The following PCDHGA1 variants were observed in gnomAD, a reference collection of about 807,000 sequenced individuals.
PCDHGA1 encodes the protein protocadherin gamma subfamily A, 1.
Under a neutral mutation model 58.0 loss-of-function variants are expected in PCDHGA1, and 32 were observed. The observed-to-expected ratio is 0.55, with a 90% CI of 0.42 to 0.74. The LOEUF is 0.74. PCDHGA1 is among the 30% of genes least tolerant of loss of function. The pLI, the probability that PCDHGA1 is intolerant of heterozygous loss-of-function variation, is 0.00. For synonymous variants in PCDHGA1, 498 were observed against 501.1 expected, an observed-to-expected ratio of 0.99 and a Z score of 0.08; for missense variants, 1,205 against 1,182.3, an observed-to-expected ratio of 1.02 and a Z score of -0.28.
chr5:141,503,075 G>A (rs1373753092), intron 2 of PCDHGA1, among the ~76,000 whole-genome samples: 1 of 151,438 alleles, frequency 6.6e-6, no homozygotes, highest in African/African-American at 2.4e-5. Context: ...GAATGGTCTC[G>A]ATCTCCTGAC....
intron 1 of PCDHGA1, chr5:141,429,222 T>C (rs897099159): frequency 6.6e-6 from 1 of 151,494 alleles, no homozygotes; most frequent in Non-Finnish European, 1.5e-5. Context: ...AAAGTGGGTA[T>C]TATGATACTG....
chr5:141,422,494 T>G lies in PCDHGA1; in HGVS notation c.2422-72313T>G, dbSNP rs772798862. On this transcript the variant is annotated intron_variant, in intron 1 of 3. Transcript: ENST00000517417. ...GTTGGTCCAGAGCTACAATATAACG[T>G]TGACAGCCACAGACCAGGGAAGCCC... The G allele has an allele frequency of 3.5e-5, 56 of 1,613,848 alleles. No homozygotes were observed. Among genetic ancestry groups the G allele is most frequent in the Non-Finnish European group, 1.0e-5 (12 of 1,179,896 alleles).
At chr5:141,449,000 T>G (rs1424736421) in intron 1 of PCDHGA1, among the ~76,000 whole-genome samples, 1 of 151,774 alleles carries the variant, frequency 6.6e-6, no homozygotes, top group African/African-American at 2.4e-5. Context: ...TAGAAAGCTG[T>G]TTTTTTTAAC....
intron 1 of PCDHGA1, among the ~76,000 whole-genome samples, chr5:141,433,837 CAA>C (rs56191208): frequency 1.4e-4 from 16 of 111,664 alleles, no homozygotes; most frequent in Non-Finnish European, 1.2e-4. Context: ...AACTCTATCT[CAA>C]AAAAAAAAAA....
chr5:141,432,528 A>T lies in PCDHGA1; in HGVS notation c.2422-62279A>T. The T allele has an allele frequency of 1.2e-6, 2 of 1,613,804 alleles. No homozygotes were observed. The highest frequency in any genetic ancestry group is 1.7e-6 in the Non-Finnish European group (2 of 1,180,000). ...GCAGAGCCCGGCTACCTGGTGACCA[A>T]GGTGGTGGCGGTGGACAGAGACTCC... is the stretch of plus-strand genomic sequence containing the variant. On this transcript the variant is annotated intron_variant, in intron 1 of 3. Transcript: ENST00000517417. This position sits in a 1 kb window ranked among gnomAD's most constrained non-coding sequence, Gnocchi z 6.0.
At chr5:141,345,421 A>G (rs1264882424) in intron 1 of PCDHGA1, 2 of 1,614,044 alleles carry the variant, frequency 1.2e-6, no homozygotes, top group African/African-American at 2.7e-5. Flanking sequence ...TACATTCCAG[A>G]AAACAACCCC....
chr5:141,407,651 G>A (rs1005294855), intron 1 of PCDHGA1, among the ~76,000 whole-genome samples: 1 of 151,926 alleles, frequency 6.6e-6, no homozygotes, highest in African/African-American at 2.4e-5. Flanking sequence ...AATAATGGGG[G>A]AGCGCAGTAT....
chr5:141,423,494 A>C lies in PCDHGA1; in HGVS notation c.2422-71313A>C, dbSNP rs753859784. ...CAGGCTTTCCTGCAAACCTATTCCCACGAGGTCTCTCTCATTGCGGACTCG... is the reference window on the plus strand; with the variant it reads ...CAGGCTTTCCTGCAAACCTATTCCCCCGAGGTCTCTCTCATTGCGGACTCG... On this transcript the variant is annotated intron_variant, in intron 1 of 3. Transcript: ENST00000517417. The C allele has an allele frequency of 3.8e-5, 61 of 1,613,842 alleles. No individual in the cohort carries two copies. The highest frequency in any genetic ancestry group is 5.9e-6 in the Non-Finnish European group (7 of 1,179,940).
At chr5:141,462,540 T>G (rs2099042148) in intron 1 of PCDHGA1, among the ~76,000 whole-genome samples, 2 of 152,204 alleles carry the variant, frequency 1.3e-5, no homozygotes, top group Non-Finnish European at 2.9e-5. Flanking sequence ...TCAGTGATCT[T>G]TTCTTCTTCA....
intron 1 of PCDHGA1, chr5:141,426,796 T>C (rs1053668481): frequency 8.8e-6 from 4 of 456,720 alleles, no homozygotes. Context: ...AGTTACCAGC[T>C]CAGTTCTAAT....
In PCDHGA1 at chr5:141,485,031, C is replaced by A; in HGVS notation, c.2422-9776C>A. On this transcript the variant is annotated intron_variant, in intron 1 of 3. Coordinates refer to ENST00000517417, the MANE Select transcript of PCDHGA1 (RefSeq NM_018912.3). The surrounding 1 kb of genome is among the most constrained non-coding windows in gnomAD (Gnocchi z 5.7). Reference sequence around the variant, plus strand: ...TACCCCGCCACCAGCAAAAACGGCGCGTAACCCTTGCGGCGCCGGCCGAAC... The same window carrying A: ...TACCCCGCCACCAGCAAAAACGGCGAGTAACCCTTGCGGCGCCGGCCGAAC... The A allele has an allele frequency of 1.5e-6, 1 of 680,514 alleles. No homozygotes were observed. Among genetic ancestry groups the A allele is most frequent in the South Asian group, 1.8e-5 (1 of 54,868 alleles). 42.2% of individuals were successfully genotyped at this position (680,514 alleles called of 1,614,324 possible). A position where few individuals can be genotyped will look rare whatever the true frequency, so the allele number is the denominator to read the frequency against.
At chr5:141,421,825 AG>A in intron 1 of PCDHGA1, 1 of 1,613,802 alleles carries the variant, frequency 6.2e-7, no homozygotes. Flanking sequence ...ACTGGAGGGA[AG>A]CCTGGACCGA....
chr5:141,398,675 A>G (rs1462726875), intron 1 of PCDHGA1: 10 of 1,613,974 alleles, frequency 6.2e-6, no homozygotes, highest in East Asian at 2.2e-5. Context: ...TTAATAATTA[A>G]GGAGAAACAG....
chr5:141,430,763 A>C, intron 1 of PCDHGA1: 1 of 1,506,248 alleles, frequency 6.6e-7, no homozygotes, highest in Non-Finnish European at 8.9e-7. Flanking sequence ...GATAAGAATG[A>C]TTCCTGCGCG....
Position 141,485,598 on chromosome 5 carries a change from T to C in PCDHGA1, c.2422-9209T>C, listed in dbSNP as rs931717579. 25 of 1,612,028 alleles carry C rather than the reference T, an allele frequency of 1.6e-5. No individual in the cohort carries two copies. Among genetic ancestry groups the C allele is most frequent in the African/African-American group, 2.7e-5 (2 of 74,838 alleles). ...CCGCGGCAGCAGCTGGACTTGGAAA[T>C]TGGGGAGGCAGCTCCTCCAGGACAG... On this transcript the variant is annotated intron_variant, in intron 1 of 3. Transcript: ENST00000517417. This position sits in a 1 kb window ranked among gnomAD's most constrained non-coding sequence, Gnocchi z 5.7.
rs200356364 is a variant in PCDHGA1, at chr5:141,470,128, C to CA, written c.2422-24670dup. On this transcript the variant is annotated intron_variant, in intron 1 of 3. Transcript: ENST00000517417. ...TGAGCAACAGAGCAAGACTTCGTCT[C>CA]AAAAAAAAAGATCATAGATCATCTT... 4.0e-3 allele frequency among the ~76,000 whole-genome samples: 596 copies of CA among 150,150 alleles called. 6 individuals are homozygous for CA. The highest frequency in any genetic ancestry group is 0.011 in the Admixed American group (171 of 15,136).
chr5:141,482,661 T>A (rs1215403061), intron 1 of PCDHGA1, among the ~76,000 whole-genome samples: 2 of 151,742 alleles, frequency 1.3e-5, no homozygotes, highest in African/African-American at 4.9e-5. Flanking sequence ...TGAGCTATGA[T>A]CTAAAGGTTG....
intron 1 of PCDHGA1, chr5:141,340,857 C>A: frequency 1.2e-6 from 2 of 1,613,566 alleles, no homozygotes; most frequent in South Asian, 2.2e-5. Flanking sequence ...GTGCGCACGG[C>A]GCGAGCCCTG....
At chr5:141,344,984 T>A (rs766916840) in intron 1 of PCDHGA1, 2 of 1,613,932 alleles carry the variant, frequency 1.2e-6, no homozygotes, top group Non-Finnish European at 1.7e-6. Context: ...TCTATGAAAT[T>A]AAAATTGAAG....
Sources: allele counts gnomAD v4.1 joint callset (sites outside exome capture counted in the v4.1 genomes callset), GRCh38; gene constraint gnomAD v4.1.1; non-coding constraint Gnocchi (gnomAD v3.1); transcripts MANE v1.5; gene names NCBI Gene and HGNC (gene_info 2026-07-23, HGNC 2026-07-21).